Variants in ARHGAP22 observed in about 807,000 individuals in gnomAD.
ARHGAP22 encodes the protein rho GTPase-activating protein 22.
In ARHGAP22, 48 loss-of-function variants were observed where a neutral mutation model predicts 59.1. That is an observed-to-expected ratio of 0.81 (90% CI 0.64 to 1.03). The LOEUF is 1.03. Ranked by LOEUF, ARHGAP22 falls within the 50% of genes least tolerant of loss-of-function variation. The pLI is 0.00. For synonymous variants in ARHGAP22, 445 were observed against 416.4 expected (o/e 1.07, Z -0.84); for missense variants, 1,015 against 958.7 (o/e 1.06, Z -0.78).
intron 3 of ARHGAP22, among the ~76,000 whole-genome samples, chr10:48,551,757 G>C (rs893220063): frequency 6.6e-6 from 1 of 152,260 alleles, no homozygotes; most frequent in African/African-American, 2.4e-5. Context: ...GTCTTGCTCA[G>C]TGGCTGGATG....
intron 9 of ARHGAP22, among the ~76,000 whole-genome samples, chr10:48,449,377 T>C (rs2045671184): frequency 6.6e-6 from 1 of 152,202 alleles, no homozygotes; most frequent in Non-Finnish European, 1.5e-5. Context: ...TGCCTGTACA[T>C]GCCTGGCACT....
At chr10:48,632,382 C>T (rs146945575) in intron 1 of ARHGAP22, among the ~76,000 whole-genome samples, 1 of 152,234 alleles carries the variant, frequency 6.6e-6, no homozygotes, top group East Asian at 1.9e-4. Context: ...TTTATTGCAG[C>T]AGTTTTAATG....
At chr10:48,470,497 G>A (rs1284963541) in intron 4 of ARHGAP22, among the ~76,000 whole-genome samples, 1 of 152,196 alleles carries the variant, frequency 6.6e-6, no homozygotes, top group Non-Finnish European at 1.5e-5. Flanking sequence ...GAAGCCTTGA[G>A]CGCTGCAGGG....
rs553835954 is a variant in ARHGAP22 at position 48,539,290 on chromosome 10, C to CTTTTTTTTTTTTTTTTTTTTTTTT, written c.322+16172_322+16173insAAAAAAAAAAAAAAAAAAAAAAAA. 1.5e-5 allele frequency among the ~76,000 whole-genome samples: 2 copies of CTTTTTTTTTTTTTTTTTTTTTTTT among 129,330 alleles called. 1 individual carries two copies. Among genetic ancestry groups the CTTTTTTTTTTTTTTTTTTTTTTTT allele is most frequent in the African/African-American group, 6.3e-5 (2 of 31,996 alleles). 84.8% of individuals were successfully genotyped at this position (129,330 alleles called of 152,430 possible). On this transcript the variant is annotated intron_variant, in intron 3 of 9. Transcript: ENST00000249601. ...CTAACAATTAGTATGAGAAGGGTAA[C>CTTTTTTTTTTTTTTTTTTTTTTTT]ATTTTTTTTTTTTTTTTTTGAGACG...
chr10:48,558,107 TA>T (rs2057424692), intron 2 of ARHGAP22, among the ~76,000 whole-genome samples: 1 of 152,124 alleles, frequency 6.6e-6, no homozygotes, highest in South Asian at 2.1e-4. Context: ...TTCAGTGATA[TA>T]AATGCCCTCC....
At chr10:48,616,352 G>A (rs2061080493) in intron 1 of ARHGAP22, among the ~76,000 whole-genome samples, 1 of 152,116 alleles carries the variant, frequency 6.6e-6, no homozygotes, top group African/African-American at 2.4e-5. Context: ...AATTGAACCT[G>A]CAATGTCTCC....
At chr10:48,471,824 G>A (rs2048257254) in intron 4 of ARHGAP22, among the ~76,000 whole-genome samples, 3 of 152,190 alleles carry the variant, frequency 2.0e-5, no homozygotes, top group Admixed American at 2.0e-4. Context: ...TACAACTCTG[G>A]TCAGCAGGCA....
chr10:48,437,074 A>C, the ARHGAP22 span: 1 of 152,212 alleles, frequency 6.6e-6, no homozygotes, highest in South Asian at 2.1e-4. Flanking sequence ...ATTTTGGTTA[A>C]GTAAGGAAAA....
intron 3 of ARHGAP22, among the ~76,000 whole-genome samples, chr10:48,497,721 C>A (rs896798638): frequency 2.0e-5 from 3 of 152,174 alleles, no homozygotes; most frequent in African/African-American, 7.2e-5. Context: ...TTCCAGGTCC[C>A]CCTTGGCCAC....
At chr10:48,526,226 G>T (rs184533370) in intron 3 of ARHGAP22, among the ~76,000 whole-genome samples, 22 of 152,316 alleles carry the variant, frequency 1.4e-4, no homozygotes, top group African/African-American at 5.1e-4. Flanking sequence ...TTAAATAAAT[G>T]TGGGGGCAGG....
chr10:48,618,911 G>A (rs1370278223), intron 1 of ARHGAP22, among the ~76,000 whole-genome samples: 1 of 152,012 alleles, frequency 6.6e-6, no homozygotes, highest in Non-Finnish European at 1.5e-5. Flanking sequence ...AAGTCAAATT[G>A]TTCCTCTTTG....
At chr10:48,538,450 A>G (rs564554546) in intron 3 of ARHGAP22, among the ~76,000 whole-genome samples, 3 of 152,168 alleles carry the variant, frequency 2.0e-5, no homozygotes, top group Non-Finnish European at 4.4e-5. Flanking sequence ...CTGTCCCCTC[A>G]ATCTCAAGTC....
chr10:48,490,592 C>T (rs932891659), intron 3 of ARHGAP22, among the ~76,000 whole-genome samples: 1 of 152,172 alleles, frequency 6.6e-6, no homozygotes, highest in East Asian at 1.9e-4. Flanking sequence ...TTCTAAGTGC[C>T]GCTTCTATCA....
chr10:48,654,916 TC>T, upstream of ARHGAP22, among the ~76,000 whole-genome samples: 2 of 145,790 alleles, frequency 1.4e-5, no homozygotes. Context: ...CCTCCCTTTC[TC>T]CCTTTCTCTC....
chr10:48,583,018 G>A lies in ARHGAP22; in HGVS notation c.169C>T (p.Arg57Cys), dbSNP rs752411389. The stretch of plus-strand genomic sequence containing the variant: ...TGATCCCCACGCAGCACAAACCAGC[G>A]CTGCTGCCAGTTCTTCATGATGCTC... ...QRSIMKNWQQ[R>C]WFVLRGDQLF... The change falls in exon 2 of 10, where the codon CGC becomes TGC. Residue 57 changes from arginine to cysteine, a missense_variant. Coordinates refer to ENST00000249601, the MANE Select transcript of ARHGAP22 (RefSeq NM_021226.4). 27 of 1,614,106 alleles carry A rather than the reference G, an allele frequency of 1.7e-5. No homozygotes were observed. The highest frequency in any genetic ancestry group is 2.2e-5 in the South Asian group (2 of 91,094).
chr10:48,532,070 C>T (rs1290924148), intron 3 of ARHGAP22, among the ~76,000 whole-genome samples: 1 of 152,326 alleles, frequency 6.6e-6, no homozygotes, highest in East Asian at 1.9e-4. Context: ...TTGATTGGCA[C>T]TAGTAACTCA....
intron 4 of ARHGAP22, 88 bp from the exon 5 acceptor site, chr10:48,459,979 G>A: frequency 7.6e-7 from 1 of 1,312,562 alleles, no homozygotes; most frequent in Non-Finnish European, 1.0e-6. Context: ...GCACTGTTAG[G>A]GCTAAAGGTG....
At chr10:48,460,743 G>GAATA (rs57904458) in intron 4 of ARHGAP22, among the ~76,000 whole-genome samples, 137,351 of 151,972 alleles carry the variant, frequency 0.9, 63,525 homozygotes, top group East Asian at 1. Context: ...ATCAATGAAT[G>GAATA]GAGTACCAAG....
At chr10:48,530,236 CA>C (rs60902650) in intron 3 of ARHGAP22, among the ~76,000 whole-genome samples, 12,335 of 48,520 alleles carry the variant, frequency 0.25, 176 homozygotes, top group African/African-American at 0.28. Context: ...GACTCCATTG[CA>C]AAAAAAAAAA....
Sources: gnomAD v4.1 joint callset for allele counts (sites outside exome capture counted in the v4.1 genomes callset) on GRCh38, gnomAD v4.1.1 for gene constraint, MANE v1.5 for transcripts, NCBI Gene and HGNC (gene_info 2026-07-23, HGNC 2026-07-21) for gene names.